Variants in RUFY3 observed in about 807,000 individuals in gnomAD.
RUFY3 encodes RUN and FYVE domain containing 3, also known as protein RUFY3.
Under a neutral mutation model 84.0 loss-of-function variants are expected in RUFY3, and 34 were observed. That is an observed-to-expected ratio of 0.40 (90% CI 0.31 to 0.54). The LOEUF is 0.54. Among genes scored for constraint, RUFY3 ranks in the 20% least tolerant of loss-of-function variants. The pLI is 0.39. For synonymous variants in RUFY3, 242 were observed against 252.9 expected (o/e 0.96, Z 0.41); for missense variants, 507 against 736.8 (o/e 0.69, Z 3.61).
At chr4:70,716,232 G>T (rs1577913728) in intron 1 of RUFY3, among the ~76,000 whole-genome samples, 1 of 151,894 alleles carries the variant, frequency 6.6e-6, no homozygotes. Flanking sequence ...TGTAACCTCC[G>T]CCTCCTGGCT....
intron 1 of RUFY3, among the ~76,000 whole-genome samples, chr4:70,750,749 GT>G (rs59809699): frequency 2.0e-5 from 3 of 151,254 alleles, no homozygotes; most frequent in South Asian, 2.1e-4. Flanking sequence ...TGTCTCTGCA[GT>G]TTTTTTTTGA....
At chr4:70,720,431 G>A (rs554643897), upstream of RUFY3, among the ~76,000 whole-genome samples, 90 of 152,246 alleles carry the variant, frequency 5.9e-4, 1 homozygote, top group African/African-American at 2.0e-3. Flanking sequence ...TGATTTGCCC[G>A]CCTTGGCCTC....
At chr4:70,715,588 CA>C (rs886636641) in intron 1 of RUFY3, among the ~76,000 whole-genome samples, 4,731 of 46,740 alleles carry the variant, frequency 0.1, 78 homozygotes, top group African/African-American at 0.28. Context: ...ACACTATCTC[CA>C]AAAAAAAAAA....
chr4:70,776,133 A>G (rs916690420), intron 7 of RUFY3, among the ~76,000 whole-genome samples: 8 of 152,152 alleles, frequency 5.3e-5, no homozygotes, highest in African/African-American at 1.9e-4. Context: ...AAGACCCCCA[A>G]AGGATATCTG....
At chr4:70,795,287 A>G (rs1489813678) in intron 14 of RUFY3, among the ~76,000 whole-genome samples, 1 of 152,282 alleles carries the variant, frequency 6.6e-6, no homozygotes, top group African/African-American at 2.4e-5. Flanking sequence ...ATTTTCCTCA[A>G]TGTGGATTTG....
At chr4:70,739,559 C>T (rs1186839345) in intron 1 of RUFY3, among the ~76,000 whole-genome samples, 1 of 152,106 alleles carries the variant, frequency 6.6e-6, no homozygotes, top group Non-Finnish European at 1.5e-5. Context: ...ATCAAAGACA[C>T]TTGGTCTCAA....
chr4:70,751,765 T>G (rs1408143643), intron 1 of RUFY3, among the ~76,000 whole-genome samples: 1 of 152,236 alleles, frequency 6.6e-6, no homozygotes, highest in East Asian at 1.9e-4. Flanking sequence ...TTACCTATTT[T>G]TTCTTTTGTT....
At chr4:70,745,934 A>G (rs1338649559) in intron 1 of RUFY3, among the ~76,000 whole-genome samples, 2 of 152,104 alleles carry the variant, frequency 1.3e-5, no homozygotes, top group Non-Finnish European at 1.5e-5. Context: ...AAAATACAAA[A>G]AATTGCTGAG....
At chr4:70,713,673 G>A (rs530431711) in intron 1 of RUFY3, among the ~76,000 whole-genome samples, 4 of 152,270 alleles carry the variant, frequency 2.6e-5, no homozygotes, top group Middle Eastern at 3.4e-3. Context: ...GTAGCATGTC[G>A]CCTTTTAGAG....
In RUFY3 at chr4:70,710,717, T is replaced by C. The variant is rs115721678; in HGVS notation, c.358+5423T>C. Reference sequence around the variant, plus strand: ...AGAAAACAGTATACCTGGTCAGGAATTGAACACATGTTTTTTGTTTTATTT... The same window carrying C: ...AGAAAACAGTATACCTGGTCAGGAACTGAACACATGTTTTTTGTTTTATTT... On this transcript the variant is annotated intron_variant, in intron 1 of 11. Transcript: ENST00000417478. 7.3e-3 allele frequency among the ~76,000 whole-genome samples: 1,111 copies of C among 151,890 alleles called. 15 individuals are homozygous for C. Among genetic ancestry groups the C allele is most frequent in the African/African-American group, 0.025 (1,053 of 41,440 alleles).
In RUFY3 at chr4:70,704,924, G is replaced by A. The variant is rs758080896; in HGVS notation, c.-13G>A. 3.7e-5 allele frequency: 45 copies of A among 1,212,610 alleles called. No individual in the cohort carries two copies. In the South Asian group the frequency reaches 1.1e-3, roughly 31 times the overall value. 75.1% of individuals were successfully genotyped at this position (1,212,610 alleles called of 1,614,324 possible). ...GGCGCGAATCGGAGGCTGCGGCGAA[G>A]GAAGGAGTGAGCATGGCTGAGACCC... On this transcript the variant is annotated 5_prime_UTR_variant, in exon 1 of 12. Transcript: ENST00000417478.
intron 4 of RUFY3, among the ~76,000 whole-genome samples, chr4:70,767,544 C>T (rs982936129): frequency 6.6e-6 from 1 of 151,850 alleles, no homozygotes; most frequent in African/African-American, 2.4e-5. Flanking sequence ...TTTGTGTGGA[C>T]GTAAGTTTTT....
intron 1 of RUFY3, among the ~76,000 whole-genome samples, chr4:70,747,190 C>G (rs1003994115): frequency 2.6e-5 from 4 of 152,150 alleles, no homozygotes; most frequent in African/African-American, 9.7e-5. Context: ...GAATAGAGTT[C>G]AAACTCCCAC....
At chr4:70,716,225 A>T (rs1176744236) in intron 1 of RUFY3, among the ~76,000 whole-genome samples, 1 of 151,976 alleles carries the variant, frequency 6.6e-6, no homozygotes, top group Non-Finnish European at 1.5e-5. Flanking sequence ...GGCTCACTGT[A>T]ACCTCCGCCT....
At chr4:70,778,728 C>T (rs1728396946) in intron 8 of RUFY3, among the ~76,000 whole-genome samples, 1 of 151,834 alleles carries the variant, frequency 6.6e-6, no homozygotes, top group Non-Finnish European at 1.5e-5. Flanking sequence ...TACAGGCATA[C>T]ACCACCACCC....
chr4:70,733,135 A>AGGGAGG (rs1719689765), intron 1 of RUFY3, among the ~76,000 whole-genome samples: 1 of 82,744 alleles, frequency 1.2e-5, no homozygotes, highest in Non-Finnish European at 2.3e-5. Flanking sequence ...GGAGGGAGGG[A>AGGGAGG]GGGAGAGAGA....
chr4:70,804,787 C>T (rs928633513), intron 17 of RUFY3, among the ~76,000 whole-genome samples: 9 of 148,534 alleles, frequency 6.1e-5, no homozygotes, highest in Admixed American at 4.0e-4. Flanking sequence ...AAAAAATAGC[C>T]GGGCGTGGTG....
chr4:70,705,422 C>T, intron 1 of RUFY3: 1 of 586,862 alleles, frequency 1.7e-6, no homozygotes, highest in Non-Finnish European at 2.6e-6. Flanking sequence ...GAGGCGGGGG[C>T]TTTAGGGGCT....
intron 14 of RUFY3, chr4:70,799,382 A>C (rs1034588496): frequency 6.6e-6 from 1 of 152,146 alleles, no homozygotes; most frequent in Non-Finnish European, 1.5e-5. Context: ...TCTACTAAAA[A>C]TACAAAAATT....
Sources: allele counts gnomAD v4.1 joint callset (sites outside exome capture counted in the v4.1 genomes callset), GRCh38; gene constraint gnomAD v4.1.1; transcripts MANE v1.5; gene names NCBI Gene and HGNC (gene_info 2026-07-23, HGNC 2026-07-21).